ELOVL7: variants seen among roughly 807,000 people sequenced by gnomAD.
ELOVL7 encodes the protein ELOVL fatty acid elongase 7.
In ELOVL7, 27 loss-of-function variants were observed where a neutral mutation model predicts 35.7. That is an observed-to-expected ratio of 0.76 (90% CI 0.56 to 1.04). The LOEUF is 1.04. Among genes scored for constraint, ELOVL7 ranks in the 50% least tolerant of loss-of-function variants. The pLI is 0.00. For synonymous variants in ELOVL7, 113 were observed against 114.6 expected, an observed-to-expected ratio of 0.99 and a Z score of 0.09; for missense variants, 327 against 340.8, an observed-to-expected ratio of 0.96 and a Z score of 0.32.
intron 1 of ELOVL7, among the ~76,000 whole-genome samples, chr5:60,824,960 CTT>C (rs879496279): frequency 2.9e-5 from 4 of 137,898 alleles, no homozygotes; most frequent in Non-Finnish European, 4.9e-5. Context: ...CTTCTCACTT[CTT>C]TTTTTTTTTT....
chr5:60,753,484 A>G lies in ELOVL7; in HGVS notation c.*1140T>C, dbSNP rs1259942234. On this transcript the variant is annotated 3_prime_UTR_variant, in exon 9 of 9. Transcript: ENST00000508821. ...GTATCTATAACATTAATTATATAAT[A>G]TATTACTATTATGTAGTCTGTCTGT... 1.3e-5 allele frequency: 2 copies of G among 152,162 alleles called. No homozygotes were observed. Among genetic ancestry groups the G allele is most frequent in the Non-Finnish European group, 2.9e-5 (2 of 68,028 alleles). The allele number at this position is 152,162 out of a possible 1,614,324, so 9.4% of individuals were successfully genotyped here.
At chr5:60,825,548 G>A (rs918681932) in intron 1 of ELOVL7, among the ~76,000 whole-genome samples, 5 of 152,158 alleles carry the variant, frequency 3.3e-5, no homozygotes, top group African/African-American at 1.2e-4. Flanking sequence ...CTTCTGTTTT[G>A]TGCACTCTTA....
chr5:60,820,502 T>C (rs1420790698), intron 1 of ELOVL7, among the ~76,000 whole-genome samples: 1 of 152,214 alleles, frequency 6.6e-6, no homozygotes, highest in African/African-American at 2.4e-5. Context: ...CTGTGACCAG[T>C]GTCTGGGATA....
chr5:60,779,192 G>A (rs1331929799), intron 3 of ELOVL7, among the ~76,000 whole-genome samples: 2 of 152,174 alleles, frequency 1.3e-5, no homozygotes, highest in Non-Finnish European at 2.9e-5. Context: ...GCTTCTCCAG[G>A]TGCACAGTGC....
chr5:60,832,188 C>A (rs1746518402), intron 1 of ELOVL7, among the ~76,000 whole-genome samples: 1 of 152,160 alleles, frequency 6.6e-6, no homozygotes. Flanking sequence ...ACTTAAATTT[C>A]TTGGAGCCTC....
chr5:60,770,275 T>C (rs138180779), intron 4 of ELOVL7, among the ~76,000 whole-genome samples: 1 of 152,312 alleles, frequency 6.6e-6, no homozygotes, highest in African/African-American at 2.4e-5. Context: ...CTGAGAAATA[T>C]ATTTGGGTAC....
intron 1 of ELOVL7, among the ~76,000 whole-genome samples, chr5:60,836,637 G>C (rs981779296): frequency 6.6e-6 from 1 of 152,018 alleles, no homozygotes; most frequent in African/African-American, 2.4e-5. Flanking sequence ...TCACCCTTAA[G>C]TAATAAGTGC....
intron 3 of ELOVL7, among the ~76,000 whole-genome samples, chr5:60,786,724 A>G (rs994646873): frequency 6.6e-6 from 1 of 152,042 alleles, no homozygotes; most frequent in African/African-American, 2.4e-5. Context: ...AGGCGGGCGG[A>G]TCACGAGGTC....
At chr5:60,817,717 CATATGTAT>C (rs78343568) in intron 1 of ELOVL7, among the ~76,000 whole-genome samples, 7 of 139,558 alleles carry the variant, frequency 5.0e-5, no homozygotes, top group South Asian at 2.2e-4. Context: ...TATATATACA[CATATGTAT>C]ATACCATATA....
chr5:60,787,290 T>C (rs1298922165), intron 3 of ELOVL7, 44 bp downstream of exon 3: 2 of 1,493,080 alleles, frequency 1.3e-6, no homozygotes, highest in Non-Finnish European at 1.8e-6. Context: ...GAATCTGACA[T>C]AAAAAGGAAG....
chr5:60,834,362 G>T (rs1746663036), intron 1 of ELOVL7, among the ~76,000 whole-genome samples: 2 of 152,148 alleles, frequency 1.3e-5, no homozygotes, highest in African/African-American at 4.8e-5. Context: ...AGCCAGGATG[G>T]TCTCCATCTC....
intron 1 of ELOVL7, among the ~76,000 whole-genome samples, chr5:60,826,598 T>A (rs1746186325): frequency 6.6e-6 from 1 of 152,218 alleles, no homozygotes; most frequent in Non-Finnish European, 1.5e-5. Flanking sequence ...CTCCTCCCTA[T>A]CAGTTTGTTA....
At chr5:60,835,272 C>T (rs1226684617) in intron 1 of ELOVL7, among the ~76,000 whole-genome samples, 6 of 150,672 alleles carry the variant, frequency 4.0e-5, no homozygotes, top group African/African-American at 1.2e-4. Flanking sequence ...CTGCTATAAA[C>T]CATACCTAGA....
chr5:60,766,008 C>T (rs904581481), intron 6 of ELOVL7, among the ~76,000 whole-genome samples: 3 of 152,120 alleles, frequency 2.0e-5, no homozygotes, highest in African/African-American at 4.8e-5. Context: ...TCCCAAGACC[C>T]GGTCATCCAA....
chr5:60,828,082 C>T (rs1746277682), intron 1 of ELOVL7, among the ~76,000 whole-genome samples: 1 of 152,150 alleles, frequency 6.6e-6, no homozygotes. Context: ...AAGCACCTCT[C>T]ACCAGGACCT....
At chr5:60,791,220 G>A (rs920696325) in intron 2 of ELOVL7, among the ~76,000 whole-genome samples, 5 of 151,914 alleles carry the variant, frequency 3.3e-5, no homozygotes, top group African/African-American at 9.7e-5. Context: ...CAAGCAGTCC[G>A]CCTGCCTCAG....
chr5:60,797,728 T>C (rs1744349471), intron 2 of ELOVL7, among the ~76,000 whole-genome samples: 1 of 152,056 alleles, frequency 6.6e-6, no homozygotes, highest in Admixed American at 6.6e-5. Context: ...TTTCTTTTGC[T>C]CCAGTCTGGT....
rs1237835258 is a variant in ELOVL7, at chr5:60,754,571, T to C, written c.*53A>G. 1.3e-6 allele frequency: 2 copies of C among 1,499,468 alleles called. No homozygotes were observed. Among genetic ancestry groups the C allele is most frequent in the Non-Finnish European group, 1.9e-6 (2 of 1,078,098 alleles). The allele number at this position is 1,499,468 out of a possible 1,614,324, so 92.9% of individuals were successfully genotyped here. On this transcript the variant is annotated 3_prime_UTR_variant, in exon 9 of 9. Transcript: ENST00000508821. ...ATGCACTGCATAGGTAAATATCTCT[T>C]GATTGTCAAGGAAGACAATGTATCA...
At chr5:60,800,030 C>CA (rs58041305) in intron 1 of ELOVL7, among the ~76,000 whole-genome samples, 6,601 of 85,702 alleles carry the variant, frequency 0.077, 293 homozygotes, top group Non-Finnish European at 0.1. Flanking sequence ...AACTCCATCT[C>CA]AAAAAAAAAA....
Sources: allele counts gnomAD v4.1 joint callset (sites outside exome capture counted in the v4.1 genomes callset), GRCh38; gene constraint gnomAD v4.1.1; transcripts MANE v1.5; gene names NCBI Gene and HGNC (gene_info 2026-07-23, HGNC 2026-07-21).